The following ULBP3 variants were observed in gnomAD, a reference collection of about 807,000 sequenced individuals.
ULBP3 encodes the protein UL16-binding protein 3.
In ULBP3, 25 loss-of-function variants were observed where a neutral mutation model predicts 24.9. That is an observed-to-expected ratio of 1.00 (90% CI 0.73 to 1.40). The LOEUF is 1.40. Ranked by LOEUF, ULBP3 falls within the 40% of genes most tolerant of loss-of-function variation. ULBP3 has a pLI of 0.00. For missense variants in ULBP3, 306 were observed against 307.5 expected (o/e 1.00, Z 0.04); for synonymous variants, 114 against 114.7 (o/e 0.99, Z 0.04).
In ULBP3 at chr6:150,065,545, C is replaced by T; in HGVS notation, c.481G>A (p.Val161Met). ...ATCCGCCTGGCTCCAGCGTGAACCA[C>T]TGTCCACTTTCTGTTGTTTGAGTCA... is the stretch of plus-strand genomic sequence containing the variant. ...LFDSNNRKWT[V>M]VHAGARRMKE... The change falls in exon 3 of 5, where the codon GTG becomes ATG. Residue 161 changes from valine to methionine, a missense_variant. By Grantham distance (21) the Val-to-Met change is conservative. Transcript: ENST00000367339. 2 of 1,614,210 alleles carry T rather than the reference C, an allele frequency of 1.2e-6. No homozygotes were observed. The highest frequency in any genetic ancestry group is 3.3e-4 in the Middle Eastern group (2 of 6,062).
chr6:150,061,351 C>G lies in ULBP3; in HGVS notation c.*2023G>C, dbSNP rs1407223867. Among the ~76,000 whole-genome samples the G allele has an allele frequency of 5.3e-5, 8 of 152,126 alleles. No homozygotes were observed. Among genetic ancestry groups the G allele is most frequent in the Admixed American group, 5.2e-4 (8 of 15,274 alleles). On this transcript the variant is annotated 3_prime_UTR_variant, in exon 5 of 5. Coordinates refer to ENST00000367339, the MANE Select transcript of ULBP3 (RefSeq NM_024518.3). Reference sequence around the variant, plus strand: ...TTTGGAAGGCTGAGGCTTGGTGTCCCAATGATCTCATCACTCAAACAGTAA... The same window carrying G: ...TTTGGAAGGCTGAGGCTTGGTGTCCGAATGATCTCATCACTCAAACAGTAA...
chr6:150,063,417 T>C, intron 4 of ULBP3, 66 bp from the exon 5 acceptor site: 1 of 828,408 alleles, frequency 1.2e-6, no homozygotes, highest in Non-Finnish European at 1.5e-6. Context: ...TCCTGGGTGA[T>C]CCTTCCCAGG....
chr6:150,061,323 G>A lies in ULBP3; in HGVS notation c.*2051C>T, dbSNP rs1776272002. ...CACATACAGGTTTGTTACATGGGTA[G>A]ATTTTGGAAGGCTGAGGCTTGGTGT... On this transcript the variant is annotated 3_prime_UTR_variant, in exon 5 of 5. Transcript: ENST00000367339. 6.6e-6 allele frequency among the ~76,000 whole-genome samples: 1 copy of A among 152,170 alleles called. No homozygotes were observed. Among genetic ancestry groups the A allele is most frequent in the African/African-American group, 2.4e-5 (1 of 41,448 alleles).
At chr6:150,063,381 T>C (rs1776300048) in intron 4 of ULBP3, 30 bp from the exon 5 acceptor site, 1 of 976,836 alleles carries the variant, frequency 1.0e-6, no homozygotes, top group Non-Finnish European at 1.2e-6. Flanking sequence ...TTGGTTTAAG[T>C]GGCTGAGAAA....
chr6:150,066,416 C>T (rs1776348142), intron 1 of ULBP3, among the ~76,000 whole-genome samples: 1 of 152,190 alleles, frequency 6.6e-6, no homozygotes, highest in Non-Finnish European at 1.5e-5. Flanking sequence ...GGAAGAAGGA[C>T]TTAGATGGCA....
chr6:150,067,301 C>T (rs751049421), intron 1 of ULBP3, among the ~76,000 whole-genome samples: 6 of 152,196 alleles, frequency 3.9e-5, no homozygotes, highest in Admixed American at 6.5e-5. Context: ...TTCAACCCCA[C>T]AGCAATTGCA....
intron 1 of ULBP3, among the ~76,000 whole-genome samples, chr6:150,068,703 C>A (rs1776383449): frequency 6.6e-6 from 1 of 152,198 alleles, no homozygotes; most frequent in African/African-American, 2.4e-5. Context: ...CACCAGGGAT[C>A]CCCTCCCCAC....
At chr6:150,068,246 C>T (rs1260349319) in intron 1 of ULBP3, among the ~76,000 whole-genome samples, 1 of 152,112 alleles carries the variant, frequency 6.6e-6, no homozygotes, top group African/African-American at 2.4e-5. Context: ...GCAGTAGGCC[C>T]CGAACCATGG....
Position 150,061,189 on chromosome 6 carries a change from G to T in ULBP3, c.*2185C>A, listed in dbSNP as rs1463730619. The stretch of plus-strand genomic sequence containing the variant: ...TTTGATCTGGGTTAGCGTTCATAGT[G>T]CAAAGTTCTCTCGTTCCACTCAGTT... On this transcript the variant is annotated 3_prime_UTR_variant, in exon 5 of 5. Transcript: ENST00000367339. Among the ~76,000 whole-genome samples, 2 of 152,130 alleles carry T rather than the reference G, an allele frequency of 1.3e-5. No homozygotes were observed. Among genetic ancestry groups the T allele is most frequent in the Admixed American group, 1.3e-4 (2 of 15,266 alleles).
Position 150,061,156 on chromosome 6 carries a change from G to GT in ULBP3, c.*2217dup, listed in dbSNP as rs1285271479. Among the ~76,000 whole-genome samples, 2 of 152,078 alleles carry GT rather than the reference G, an allele frequency of 1.3e-5. No homozygotes were observed. Among genetic ancestry groups the GT allele is most frequent in the African/African-American group, 2.4e-5 (1 of 41,404 alleles). ...CTTACGATTATTTTAAATGACTAGAGTTTAGTTTTTGATCTGGGTTAGCGT... is the reference window on the plus strand; with the variant it reads ...CTTACGATTATTTTAAATGACTAGAGTTTTAGTTTTTGATCTGGGTTAGCGT... On this transcript the variant is annotated 3_prime_UTR_variant, in exon 5 of 5. Transcript: ENST00000367339.
Position 150,069,057 on chromosome 6 carries a change from C to T in ULBP3, c.10G>A (p.Ala4Thr), listed in dbSNP as rs564647046. ...CGCGGAAGGATCGCGGGGCTGGCGG[C>T]CGCTGCCATTGTAGACCAGGAGCGC... MAAAASPAILPRLA... is the reference protein window; with the variant it reads MAATASPAILPRLA... The change falls in exon 1 of 5, where the codon GCC becomes ACC. Residue 4 changes from alanine to threonine, a missense_variant. Coordinates refer to ENST00000367339, the MANE Select transcript of ULBP3 (RefSeq NM_024518.3). 8 of 1,610,870 alleles carry T rather than the reference C, an allele frequency of 5.0e-6. No homozygotes were observed. Among genetic ancestry groups the T allele is most frequent in the African/African-American group, 1.3e-5 (1 of 75,046 alleles).
rs779114566 is a variant in ULBP3 at position 150,065,489 on chromosome 6, CAGTCCGCTAT to C, written c.527_536del (p.Asp176GlyfsTer10). 5.6e-6 allele frequency: 9 copies of C among 1,614,044 alleles called. No individual in the cohort carries two copies. In the East Asian group the frequency reaches 2.0e-4, roughly 36 times the overall value. ...TTGAGACCATCTTGAAGAAGGTGGT[CAGTCCGCTAT>C]CCTTCTCCCACTTCTCTTTCATCCG... is the stretch of plus-strand genomic sequence containing the variant. On this transcript the variant is annotated frameshift_variant, in exon 3 of 5. Coordinates refer to ENST00000367339, the MANE Select transcript of ULBP3 (RefSeq NM_024518.3). LOFTEE classifies it high-confidence loss of function.
chr6:150,061,695 G>T lies in ULBP3; in HGVS notation c.*1679C>A, dbSNP rs2114787669. Among the ~76,000 whole-genome samples, 2 of 152,308 alleles carry T rather than the reference G, an allele frequency of 1.3e-5. No homozygotes were observed. The highest frequency in any genetic ancestry group is 2.9e-5 in the Non-Finnish European group (2 of 68,028). ...GTTGATTCTGTGTCCTTGCTAGTAA[G>T]AATAGCACTGTAATGAACATATTGG... On this transcript the variant is annotated 3_prime_UTR_variant, in exon 5 of 5. Coordinates refer to ENST00000367339, the MANE Select transcript of ULBP3 (RefSeq NM_024518.3).
chr6:150,068,929 G>T, intron 1 of ULBP3, 50 bp downstream of exon 1: 1 of 1,534,314 alleles, frequency 6.5e-7, no homozygotes, highest in Non-Finnish European at 8.8e-7. Context: ...GCAGTCCACA[G>T]CCCCCCAGGT....
chr6:150,066,363 C>T (rs970580481), intron 1 of ULBP3, among the ~76,000 whole-genome samples: 4 of 152,134 alleles, frequency 2.6e-5, no homozygotes. Context: ...TACTCACATC[C>T]GTCAGCACAG....
In ULBP3 at chr6:150,062,882, C is replaced by A. The variant is rs537482431; in HGVS notation, c.*492G>T. Among the ~76,000 whole-genome samples the A allele has an allele frequency of 4.4e-4, 67 of 151,400 alleles. No individual in the cohort carries two copies. The highest frequency in any genetic ancestry group is 8.4e-4 in the Non-Finnish European group (57 of 67,860). ...CTCTGGGAGGCCGAGGCAGGTGGATCATGAGGTCAGGAGATCGAGACCATC... is the reference window on the plus strand; with the variant it reads ...CTCTGGGAGGCCGAGGCAGGTGGATAATGAGGTCAGGAGATCGAGACCATC... On this transcript the variant is annotated 3_prime_UTR_variant, in exon 5 of 5. Transcript: ENST00000367339.
In ULBP3 at chr6:150,064,657, T is replaced by G. The variant is rs1562519702; in HGVS notation, c.685A>C (p.Ser229Arg). ...AGGATGATGAGGAAGCTCCAGGGAC[T>G]GAGGGTGGTGGCTATGGCTTTGGGT... Reference protein sequence around the residue: ...AQPKAIATTLSPWSFLIILCF... With the variant: ...AQPKAIATTLRPWSFLIILCF... The change falls in exon 4 of 5, where the codon AGT becomes CGT. Residue 229 changes from serine to arginine, a missense_variant. Transcript: ENST00000367339. 2 of 1,614,082 alleles carry G rather than the reference T, an allele frequency of 1.2e-6. No homozygotes were observed. Among genetic ancestry groups the G allele is most frequent in the Middle Eastern group, 1.7e-4 (1 of 6,060 alleles).
In ULBP3 at chr6:150,061,198, T is replaced by A. The variant is rs967744415; in HGVS notation, c.*2176A>T. On this transcript the variant is annotated 3_prime_UTR_variant, in exon 5 of 5. Transcript: ENST00000367339. ...GGTTAGCGTTCATAGTGCAAAGTTC[T>A]CTCGTTCCACTCAGTTAACCCCATT... Among the ~76,000 whole-genome samples the A allele has an allele frequency of 1.8e-4, 27 of 152,192 alleles. No individual in the cohort carries two copies. The highest frequency in any genetic ancestry group is 6.5e-4 in the African/African-American group (27 of 41,448).
At chr6:150,063,483 C>A (rs979894833) in intron 4 of ULBP3, 132 bp from the exon 5 acceptor site, 5 of 366,418 alleles carry the variant, frequency 1.4e-5, no homozygotes, top group South Asian at 1.1e-4. Flanking sequence ...TCCCTCCAAC[C>A]CTACCCCTGG....
Sources: gnomAD v4.1 joint callset for allele counts (sites outside exome capture counted in the v4.1 genomes callset) on GRCh38, gnomAD v4.1.1 for gene constraint, MANE v1.5 for transcripts, NCBI Gene and HGNC (gene_info 2026-07-23, HGNC 2026-07-21) for gene names.